The following DYRK1A variants were observed in gnomAD, a reference collection of about 807,000 sequenced individuals.
The protein encoded by DYRK1A is dual specificity tyrosine phosphorylation regulated kinase 1A.
A neutral mutation model predicts 79.7 loss-of-function variants in DYRK1A; 9 were observed. The observed-to-expected ratio is 0.11, with a 90% CI of 0.07 to 0.20. DYRK1A has a LOEUF of 0.20. Ranked by LOEUF, DYRK1A falls within the 10% of genes least tolerant of loss-of-function variation. DYRK1A has a pLI of 1.00. For synonymous variants in DYRK1A, 349 were observed against 329.7 expected (o/e 1.06, Z -0.63); for missense variants, 622 against 956.0 (o/e 0.65, Z 4.61).
chr21:37,413,198 AT>A (rs747222605), intron 1 of DYRK1A, among the ~76,000 whole-genome samples: 73 of 152,306 alleles, frequency 4.8e-4, no homozygotes, highest in Non-Finnish European at 8.2e-4. Context: ...TAATAGACTC[AT>A]TGGAAGAAAA....
At chr21:37,502,341 T>C (rs761708397) in intron 9 of DYRK1A, 2 of 152,210 alleles carry the variant, frequency 1.3e-5, no homozygotes, top group Admixed American at 6.5e-5. Context: ...ATTCCTTCTT[T>C]CCTGCCTTTT....
intron 1 of DYRK1A, among the ~76,000 whole-genome samples, chr21:37,404,446 G>A (rs1224862328): frequency 6.6e-6 from 1 of 152,094 alleles, no homozygotes; most frequent in Non-Finnish European, 1.5e-5. Flanking sequence ...TGTTTCACCT[G>A]GCCCATGTGC....
intron 1 of DYRK1A, among the ~76,000 whole-genome samples, chr21:37,373,841 T>G (rs1224329687): frequency 6.6e-6 from 1 of 152,124 alleles, no homozygotes; most frequent in African/African-American, 2.4e-5. Flanking sequence ...AAGGGGAGAA[T>G]GGGGGATGAT....
At chr21:37,384,944 G>A (rs1318919046) in intron 1 of DYRK1A, among the ~76,000 whole-genome samples, 1 of 152,066 alleles carries the variant, frequency 6.6e-6, no homozygotes, top group East Asian at 1.9e-4. Context: ...AATAGAAATA[G>A]TAATGACAGG....
intron 2 of DYRK1A, among the ~76,000 whole-genome samples, chr21:37,471,943 C>T (rs1372129077): frequency 6.6e-6 from 1 of 152,036 alleles, no homozygotes; most frequent in Non-Finnish European, 1.5e-5. Flanking sequence ...AAAGAATTAC[C>T]TTTTATTAGA....
At chr21:37,426,532 A>G (rs1206772483) in intron 2 of DYRK1A, among the ~76,000 whole-genome samples, 1 of 152,160 alleles carries the variant, frequency 6.6e-6, no homozygotes, top group Non-Finnish European at 1.5e-5. Flanking sequence ...GTGATAACCC[A>G]GGAAAGAGAA....
intron 2 of DYRK1A, among the ~76,000 whole-genome samples, chr21:37,440,199 G>C (rs1304002536): frequency 1.7e-5 from 2 of 120,902 alleles, no homozygotes; most frequent in Admixed American, 2.0e-4. Flanking sequence ...GCAGTGGTGT[G>C]ATCTCGGTTC....
chr21:37,370,687 C>G (rs1602345706), intron 1 of DYRK1A, among the ~76,000 whole-genome samples: 2 of 152,120 alleles, frequency 1.3e-5, no homozygotes, highest in Non-Finnish European at 2.9e-5. Flanking sequence ...GTTCCTCATC[C>G]CCAAAGTTGT....
At chr21:37,486,017 C>T (rs1012491916) in intron 5 of DYRK1A, 1 of 151,996 alleles carries the variant, frequency 6.6e-6, no homozygotes, top group African/African-American at 2.4e-5. Flanking sequence ...CTGAAGCCTT[C>T]TGCTGATAAA....
At chr21:37,382,820 A>T (rs544934006) in intron 1 of DYRK1A, among the ~76,000 whole-genome samples, 2 of 152,226 alleles carry the variant, frequency 1.3e-5, no homozygotes, top group African/African-American at 4.8e-5. Context: ...TAAAAAGCCT[A>T]AACAGTTAAG....
intron 1 of DYRK1A, among the ~76,000 whole-genome samples, chr21:37,414,213 G>T (rs941248195): frequency 6.6e-6 from 1 of 151,896 alleles, no homozygotes; most frequent in Non-Finnish European, 1.5e-5. Context: ...CCAAGACTGA[G>T]AATACAGAAA....
chr21:37,400,635 A>G (rs13050046), intron 1 of DYRK1A, among the ~76,000 whole-genome samples: 8,333 of 152,268 alleles, frequency 0.055, 280 homozygotes, highest in Middle Eastern at 0.13. Flanking sequence ...TTCTCTAAAT[A>G]ATGGAAGTTA....
At chr21:37,462,543 A>G (rs1026229725) in intron 2 of DYRK1A, among the ~76,000 whole-genome samples, 2 of 152,168 alleles carry the variant, frequency 1.3e-5, no homozygotes, top group South Asian at 2.1e-4. Context: ...GTTCCCTGGT[A>G]GTTGTTCTGT....
chr21:37,424,798 A>G (rs958326486), intron 2 of DYRK1A, among the ~76,000 whole-genome samples: 5 of 152,242 alleles, frequency 3.3e-5, no homozygotes, highest in East Asian at 1.9e-4. Flanking sequence ...ATTGATTCCT[A>G]GGAGTCATAA....
At chr21:37,486,775 G>A in intron 6 of DYRK1A, 161 bp downstream of exon 6, 1 of 592,708 alleles carries the variant, frequency 1.7e-6, no homozygotes, top group Non-Finnish European at 2.6e-6. Flanking sequence ...GACTTGATCT[G>A]GTAGTAATAG....
At chr21:37,440,223 C>T (rs1247905688) in intron 2 of DYRK1A, among the ~76,000 whole-genome samples, 5 of 141,022 alleles carry the variant, frequency 3.5e-5, no homozygotes, top group Admixed American at 2.3e-4. Flanking sequence ...GCAACCTCCG[C>T]CCCCTGGGTT....
At chr21:37,510,365 T>C (rs904926249) in intron 11 of DYRK1A, among the ~76,000 whole-genome samples, 1 of 152,228 alleles carries the variant, frequency 6.6e-6, no homozygotes, top group African/African-American at 2.4e-5. Flanking sequence ...AAAGTTTGGT[T>C]CTCAGACCAC....
intron 2 of DYRK1A, among the ~76,000 whole-genome samples, chr21:37,464,921 C>T (rs1279313385): frequency 2.6e-5 from 4 of 152,066 alleles, no homozygotes; most frequent in East Asian, 1.9e-4. Context: ...ACTAGAAATA[C>T]GCATATTAGT....
chr21:37,366,149 TC>T (rs1569267809), upstream of DYRK1A: 1 of 151,234 alleles, frequency 6.6e-6, no homozygotes, highest in Non-Finnish European at 1.5e-5. Flanking sequence ...CCGCCGCGCT[TC>T]CCGGGGAGAG....
Sources: gnomAD v4.1 joint callset for allele counts (sites outside exome capture counted in the v4.1 genomes callset) on GRCh38, gnomAD v4.1.1 for gene constraint, MANE v1.5 for transcripts, NCBI Gene and HGNC (gene_info 2026-07-23, HGNC 2026-07-21) for gene names.